Variants in PRKG1 observed in about 807,000 individuals in gnomAD.
PRKG1 encodes the protein cGMP-dependent protein kinase 1.
Under a neutral mutation model 88.1 loss-of-function variants are expected in PRKG1, and 35 were observed. That is an observed-to-expected ratio of 0.40 (90% CI 0.30 to 0.53). PRKG1 has a LOEUF of 0.53. PRKG1 is among the 20% of genes least tolerant of loss of function. The pLI is 0.59. For synonymous variants in PRKG1, 303 were observed against 292.5 expected (o/e 1.04, Z -0.37); for missense variants, 540 against 839.8 (o/e 0.64, Z 4.41).
At chr10:52,163,820 A>G (rs1838350874) in intron 9 of PRKG1, among the ~76,000 whole-genome samples, 1 of 152,234 alleles carries the variant, frequency 6.6e-6, no homozygotes, top group Admixed American at 6.5e-5. Flanking sequence ...ATATTCAGAC[A>G]ATTAGAGGTA....
intron 3 of PRKG1, among the ~76,000 whole-genome samples, chr10:51,746,383 G>T (rs1837579068): frequency 6.6e-6 from 1 of 151,642 alleles, no homozygotes; most frequent in Admixed American, 6.6e-5. Flanking sequence ...CTCTATCTTA[G>T]AGTTCCTCCT....
chr10:51,632,165 A>G lies in PRKG1; in HGVS notation c.592+164329A>G, dbSNP rs531138353. ...TATTAATGTACTATATGTGTGGCCC[A>G]AGACAGTTCTTCTTCTTCTAATATG... On this transcript the variant is annotated intron_variant, in intron 3 of 17. Coordinates refer to ENST00000373980, the MANE Select transcript of PRKG1 (RefSeq NM_006258.4). Among the ~76,000 whole-genome samples, 108 of 152,174 alleles carry G rather than the reference A, an allele frequency of 7.1e-4. 2 individuals are homozygous for G. The South Asian group carries it at 0.021, about 30-fold the overall frequency.
At chr10:51,153,501 G>T (rs1846129903) in intron 2 of PRKG1, among the ~76,000 whole-genome samples, 171 bp downstream of exon 2, 1 of 151,950 alleles carries the variant, frequency 6.6e-6, no homozygotes, top group Non-Finnish European at 1.5e-5. Context: ...AACTAATTAT[G>T]GGAAGTGTTT....
chr10:51,991,314 T>A (rs1844300474), intron 5 of PRKG1, among the ~76,000 whole-genome samples: 1 of 152,174 alleles, frequency 6.6e-6, no homozygotes, highest in South Asian at 2.1e-4. Flanking sequence ...TCCAATTTGA[T>A]ACTCTTTATC....
chr10:51,203,394 G>A (rs1475641798), intron 2 of PRKG1, among the ~76,000 whole-genome samples: 2 of 152,088 alleles, frequency 1.3e-5, no homozygotes, highest in African/African-American at 4.8e-5. Context: ...CTCTCCTTGA[G>A]TAAATTCTTG....
chr10:52,272,321 C>A lies in PRKG1; in HGVS notation c.1314-71C>A, dbSNP rs534431813. On this transcript the variant is annotated intron_variant, in intron 11 of 17. Transcript: ENST00000373980. ...TGGCAAATCAAAACTATAATCTGGG[C>A]CCCCCAAAATTGCACACTTGTAAAA... The A allele has an allele frequency of 7.7e-6, 9 of 1,165,416 alleles. No individual in the cohort carries two copies. The Admixed American group carries it at 2.0e-4, about 26-fold the overall frequency. The allele number at this position is 1,165,416 out of a possible 1,614,324, so 72.2% of individuals were successfully genotyped here. A position where few individuals can be genotyped will look rare whatever the true frequency, so the allele number is the denominator to read the frequency against.
At chr10:52,075,755 C>G (rs1846612923) in intron 7 of PRKG1, among the ~76,000 whole-genome samples, 1 of 152,170 alleles carries the variant, frequency 6.6e-6, no homozygotes, top group African/African-American at 2.4e-5. Flanking sequence ...ATTGCCCTCT[C>G]CCTGGCTTGC....
chr10:52,261,095 A>G (rs546520370), intron 10 of PRKG1, among the ~76,000 whole-genome samples: 30 of 151,940 alleles, frequency 2.0e-4, no homozygotes, highest in Non-Finnish European at 3.5e-4. Context: ...TCTTTTTCTG[A>G]CTTTCCTCCA....
chr10:51,374,082 C>CAAA (rs769407143), intron 2 of PRKG1, among the ~76,000 whole-genome samples: 2,743 of 95,132 alleles, frequency 0.029, 229 homozygotes, highest in Middle Eastern at 0.056. Flanking sequence ...GCAGAGGTTG[C>CAAA]AAAAAAAAAA....
chr10:51,098,026 G>A (rs572168702), intron 1 of PRKG1, among the ~76,000 whole-genome samples: 2 of 152,246 alleles, frequency 1.3e-5, no homozygotes, highest in East Asian at 3.9e-4. Flanking sequence ...TTGTGTTGAA[G>A]TTCTCACTAT....
intron 1 of PRKG1, among the ~76,000 whole-genome samples, chr10:51,020,071 G>A (rs564491212): frequency 2.0e-4 from 31 of 152,284 alleles, no homozygotes; most frequent in Admixed American, 9.2e-4. Flanking sequence ...TGGAACAGCC[G>A]CTAAGGAAAA....
At chr10:51,019,391 G>A (rs1358903843) in intron 1 of PRKG1, among the ~76,000 whole-genome samples, 1 of 152,090 alleles carries the variant, frequency 6.6e-6, no homozygotes, top group Non-Finnish European at 1.5e-5. Flanking sequence ...CCATTCAATG[G>A]GGAAAGGACA....
chr10:51,742,527 G>A (rs1410247523), intron 3 of PRKG1, among the ~76,000 whole-genome samples: 7 of 152,152 alleles, frequency 4.6e-5, no homozygotes, highest in Admixed American at 4.6e-4. Context: ...GATGCAGGTG[G>A]TATGAAAGAG....
intron 3 of PRKG1, among the ~76,000 whole-genome samples, chr10:51,628,122 CTCTTTCTTTCTTTCTT>C (rs11269617): frequency 0.73 from 85,433 of 116,450 alleles, 32,944 homozygotes; most frequent in Non-Finnish European, 0.84. Context: ...TTCTTTATTT[CTCTTTCTTTCTTTCTT>C]TCTTTCTTTC....
At chr10:51,085,124 A>G (rs867169641) in intron 1 of PRKG1, among the ~76,000 whole-genome samples, 1 of 152,232 alleles carries the variant, frequency 6.6e-6, no homozygotes, top group Non-Finnish European at 1.5e-5. Flanking sequence ...ATTGCTACAG[A>G]TGGAAAATAG....
At chr10:51,228,995 T>C (rs2132105122) in intron 2 of PRKG1, among the ~76,000 whole-genome samples, 2 of 152,312 alleles carry the variant, frequency 1.3e-5, no homozygotes, top group South Asian at 4.1e-4. Flanking sequence ...TGCACTTTTC[T>C]ACCTTTTTCC....
intron 2 of PRKG1, among the ~76,000 whole-genome samples, chr10:51,339,814 T>G (rs1036061312): frequency 6.6e-6 from 1 of 152,098 alleles, no homozygotes. Context: ...TTACTGTTGA[T>G]AATTTGGTTT....
intron 3 of PRKG1, among the ~76,000 whole-genome samples, chr10:51,499,152 A>G (rs1043119313): frequency 6.6e-6 from 1 of 152,212 alleles, no homozygotes; most frequent in Admixed American, 6.5e-5. Flanking sequence ...AGAACACTCT[A>G]TGAGATTCCT....
intron 8 of PRKG1, among the ~76,000 whole-genome samples, chr10:52,138,748 A>G (rs1232743100): frequency 6.6e-6 from 1 of 152,118 alleles, no homozygotes; most frequent in Non-Finnish European, 1.5e-5. Context: ...AATGTCAAGC[A>G]TGAGATTGTA....
Sources: gnomAD v4.1 joint callset for allele counts (sites outside exome capture counted in the v4.1 genomes callset) on GRCh38, gnomAD v4.1.1 for gene constraint, MANE v1.5 for transcripts, NCBI Gene and HGNC (gene_info 2026-07-23, HGNC 2026-07-21) for gene names.